Variants in EPN2 observed in about 807,000 individuals in gnomAD.
EPN2 encodes the protein epsin-2.
In EPN2, 34 loss-of-function variants were observed where a neutral mutation model predicts 61.7. The observed-to-expected ratio is 0.55, with a 90% confidence interval of 0.42 to 0.73. The LOEUF (loss-of-function observed/expected upper bound fraction) is 0.73, where lower values mean the gene tolerates loss of function less well. EPN2 is among the 30% of genes least tolerant of loss of function. The pLI, the probability that EPN2 is intolerant of heterozygous loss-of-function variation, is 0.00. For synonymous variants in EPN2, 349 were observed against 353.6 expected, an observed-to-expected ratio of 0.99 and a Z score of 0.15; for missense variants, 714 against 839.2, an observed-to-expected ratio of 0.85 and a Z score of 1.84.
At chr17:19,275,402 A>C (rs993007848) in intron 1 of EPN2, among the ~76,000 whole-genome samples, 1 of 152,262 alleles carries the variant, frequency 6.6e-6, no homozygotes, top group Non-Finnish European at 1.5e-5. Flanking sequence ...ATAGAGGTGC[A>C]GACCACGTGT....
At chr17:19,240,307 G>A (rs753075000) in intron 1 of EPN2, among the ~76,000 whole-genome samples, 2 of 151,932 alleles carry the variant, frequency 1.3e-5, no homozygotes, top group African/African-American at 4.8e-5. Context: ...GTGCAGTGGC[G>A]CAATCTTGGC....
intron 4 of EPN2, among the ~76,000 whole-genome samples, chr17:19,287,645 G>A (rs2045418977): frequency 6.6e-6 from 1 of 152,146 alleles, no homozygotes; most frequent in Non-Finnish European, 1.5e-5. Flanking sequence ...AATGATGCCG[G>A]CCATTCAGAA....
chr17:19,266,376 A>G (rs1181824266), intron 1 of EPN2, among the ~76,000 whole-genome samples: 1 of 151,656 alleles, frequency 6.6e-6, no homozygotes, highest in African/African-American at 2.4e-5. Context: ...CACCCCATAG[A>G]TGTCCATCTC....
chr17:19,281,898 G>T (rs868698), intron 1 of EPN2, 57 bp from the exon 2 acceptor site: 33,474 of 152,064 alleles, frequency 0.22, 4,963 homozygotes, highest in East Asian at 0.6. Context: ...GCCAGACTGT[G>T]GCCTTCTTGA....
chr17:19,328,145 C>G (rs1906980320), intron 7 of EPN2, among the ~76,000 whole-genome samples: 1 of 152,074 alleles, frequency 6.6e-6, no homozygotes, highest in African/African-American at 2.4e-5. Flanking sequence ...TGTTTTATTG[C>G]TTAAGTTGGG....
At position 19,266,886 on chromosome 17, in the gene EPN2, A is replaced by G. The variant is rs185225152; in HGVS notation, c.-293-15069A>G. On this transcript the variant is annotated intron_variant, in intron 1 of 10. Coordinates refer to ENST00000314728, the MANE Select transcript of EPN2 (RefSeq NM_014964.5). ...CTGGTACATAATGCAACACGGATGA[A>G]CCTTGAAAACACTGAACCTGCCGGG... Among the ~76,000 whole-genome samples, 779 of 149,612 alleles carry G rather than the reference A, an allele frequency of 5.2e-3. 3 individuals carry two copies. The highest frequency in any genetic ancestry group is 8.6e-3 in the Non-Finnish European group (580 of 67,262).
At chr17:19,250,080 G>A (rs1305001385) in intron 1 of EPN2, among the ~76,000 whole-genome samples, 1 of 151,830 alleles carries the variant, frequency 6.6e-6, no homozygotes, top group Admixed American at 6.6e-5. Flanking sequence ...TTTAAAGTCA[G>A]CTGATTAGAA....
intron 6 of EPN2, 43 bp from the exon 7 acceptor site, chr17:19,313,062 C>A (rs1265024651): frequency 1.3e-6 from 2 of 1,593,610 alleles, no homozygotes; most frequent in South Asian, 2.2e-5. Context: ...TTTGCTGTAA[C>A]TGTAGCATAG....
chr17:19,280,392 C>T (rs1416882231), intron 1 of EPN2, among the ~76,000 whole-genome samples: 2 of 152,218 alleles, frequency 1.3e-5, no homozygotes, highest in Non-Finnish European at 2.9e-5. Context: ...TCTTTGCCAG[C>T]AGTGAATGTT....
At chr17:19,239,996 A>G (rs539834418) in intron 1 of EPN2, among the ~76,000 whole-genome samples, 291 of 150,560 alleles carry the variant, frequency 1.9e-3, no homozygotes, top group Non-Finnish European at 3.7e-3. Flanking sequence ...TTTTTTTTTT[A>G]ACTTTAATTA....
intron 1 of EPN2, among the ~76,000 whole-genome samples, chr17:19,250,057 C>G (rs2044997085): frequency 6.6e-6 from 1 of 151,926 alleles, no homozygotes; most frequent in Non-Finnish European, 1.5e-5. Context: ...CTGAATAATC[C>G]AGGATACTAT....
intron 7 of EPN2, among the ~76,000 whole-genome samples, chr17:19,325,092 G>A (rs1906808904): frequency 6.6e-6 from 1 of 152,208 alleles, no homozygotes; most frequent in Non-Finnish European, 1.5e-5. Flanking sequence ...TGTAATCATG[G>A]AAGGTATGGA....
chr17:19,285,858 T>C lies in EPN2; in HGVS notation c.766+68T>C, dbSNP rs2045399541. On this transcript the variant is annotated intron_variant, in intron 4 of 10. Coordinates refer to ENST00000314728, the MANE Select transcript of EPN2 (RefSeq NM_014964.5). This position sits in a 1 kb window ranked among gnomAD's most constrained non-coding sequence, Gnocchi z 4.5. Reference sequence around the variant, plus strand: ...CAGCTTGCTGGGGGTGTGCTTGCCATGCCAGTACAGCCAACTCTCTCCCTG... The same window carrying C: ...CAGCTTGCTGGGGGTGTGCTTGCCACGCCAGTACAGCCAACTCTCTCCCTG... 6.9e-7 allele frequency: 1 copy of C among 1,457,994 alleles called. No individual in the cohort carries two copies. Among genetic ancestry groups the C allele is most frequent in the South Asian group, 1.4e-5 (1 of 70,202 alleles). 90.3% of individuals were successfully genotyped at this position (1,457,994 alleles called of 1,614,324 possible).
Position 19,285,580 on chromosome 17 carries a change from CGT to C in EPN2, c.596-37_596-36del. ...GGGGCTGCTGCGCACCCTCTAATGG[CGT>C]GTCTCTCTGTGTGTGTGTGTGTGTC... On this transcript the variant is annotated intron_variant, in intron 3 of 10. Coordinates refer to ENST00000314728, the MANE Select transcript of EPN2 (RefSeq NM_014964.5). This position sits in a 1 kb window ranked among gnomAD's most constrained non-coding sequence, Gnocchi z 4.5. The C allele has an allele frequency of 6.8e-7, 1 of 1,462,232 alleles. No individual in the cohort carries two copies. The highest frequency in any genetic ancestry group is 9.1e-7 in the Non-Finnish European group (1 of 1,100,950). 90.6% of individuals were successfully genotyped at this position (1,462,232 alleles called of 1,614,324 possible). A position where few individuals can be genotyped will look rare whatever the true frequency, so the allele number is the denominator to read the frequency against.
intron 10 of EPN2, 101 bp downstream of exon 10, chr17:19,332,169 G>A: frequency 1.1e-6 from 1 of 884,958 alleles, no homozygotes; most frequent in Non-Finnish European, 1.8e-6. Flanking sequence ...CGGGGAAGGG[G>A]TGGGACTAGC....
At chr17:19,310,909 T>C (rs562031343) in intron 5 of EPN2, among the ~76,000 whole-genome samples, 99 of 152,256 alleles carry the variant, frequency 6.5e-4, no homozygotes, top group African/African-American at 2.2e-3. Context: ...TGCATTACTT[T>C]ACAACAGCGA....
chr17:19,325,320 G>A (rs1454664803), intron 7 of EPN2, among the ~76,000 whole-genome samples: 1 of 152,166 alleles, frequency 6.6e-6, no homozygotes, highest in Non-Finnish European at 1.5e-5. Context: ...GGCCAGTCTG[G>A]TTATGAATAT....
intron 1 of EPN2, among the ~76,000 whole-genome samples, chr17:19,270,963 A>G (rs1283774430): frequency 6.6e-6 from 1 of 152,164 alleles, no homozygotes; most frequent in African/African-American, 2.4e-5. Flanking sequence ...AGAAATGGAG[A>G]CCGAAAGGGA....
chr17:19,333,226 G>A (rs1253978497), intron 10 of EPN2, among the ~76,000 whole-genome samples: 1 of 152,184 alleles, frequency 6.6e-6, no homozygotes, highest in Admixed American at 6.5e-5. Context: ...GTGGTCATCT[G>A]TGTCTGTCAG....
Sources: allele counts gnomAD v4.1 joint callset (sites outside exome capture counted in the v4.1 genomes callset), GRCh38; gene constraint gnomAD v4.1.1; non-coding constraint Gnocchi (gnomAD v3.1); transcripts MANE v1.5; gene names NCBI Gene and HGNC (gene_info 2026-07-23, HGNC 2026-07-21).